Variants in KCTD16 observed in about 807,000 individuals in gnomAD.
KCTD16 encodes the protein potassium channel tetramerization domain containing 16.
In KCTD16, 13 loss-of-function variants were observed where a neutral mutation model predicts 33.2. The ratio of observed to expected loss-of-function variants is 0.39; its 90% confidence interval spans 0.25 to 0.62. The LOEUF (loss-of-function observed/expected upper bound fraction) is 0.62, where lower values mean the gene tolerates loss of function less well. KCTD16 is among the 20% of genes least tolerant of loss of function. The probability of loss-of-function intolerance (pLI) is 0.50; values close to 1 mark genes in which losing one functional copy is unlikely to be tolerated. For synonymous variants in KCTD16, 197 were observed against 195.3 expected (o/e 1.01, Z -0.07); for missense variants, 441 against 525.1 (o/e 0.84, Z 1.57).
chr5:144,418,896 C>T (rs1213351163), intron 3 of KCTD16, among the ~76,000 whole-genome samples: 2 of 152,138 alleles, frequency 1.3e-5, no homozygotes, highest in East Asian at 1.9e-4. Context: ...GTTATACACC[C>T]TAACTTTTAC....
In KCTD16 at chr5:144,474,191, G is replaced by A; in HGVS notation, c.*77G>A. On this transcript the variant is annotated 3_prime_UTR_variant, in exon 4 of 4. Transcript: ENST00000512467. ...TCCTAAAAGGAATTCATATTTTAAAGGAAAAAAATACAACTAATGATGCAC... is the reference window on the plus strand; with the variant it reads ...TCCTAAAAGGAATTCATATTTTAAAAGAAAAAAATACAACTAATGATGCAC... The A allele has an allele frequency of 1.7e-6, 2 of 1,161,532 alleles. No individual in the cohort carries two copies. Among genetic ancestry groups the A allele is most frequent in the Non-Finnish European group, 2.4e-6 (2 of 820,512 alleles). 72.0% of individuals were successfully genotyped at this position (1,161,532 alleles called of 1,614,324 possible).
intron 3 of KCTD16, among the ~76,000 whole-genome samples, chr5:144,392,848 C>T (rs1021875441): frequency 1.6e-4 from 25 of 152,270 alleles, no homozygotes; most frequent in African/African-American, 5.1e-4. Flanking sequence ...CCTCCATCAA[C>T]GCAAGCCCCT....
chr5:144,269,163 G>A (rs183577441), intron 3 of KCTD16, among the ~76,000 whole-genome samples: 34 of 152,004 alleles, frequency 2.2e-4, no homozygotes, highest in Non-Finnish European at 4.3e-4. Context: ...ATGGGAAAAG[G>A]GGCAGAGAGA....
At chr5:144,218,212 T>C (rs1753624523) in intron 3 of KCTD16, among the ~76,000 whole-genome samples, 1 of 152,170 alleles carries the variant, frequency 6.6e-6, no homozygotes, top group African/African-American at 2.4e-5. Context: ...AGAAAGAGAT[T>C]AGAATAGTAA....
chr5:144,451,596 C>T (rs369531511), intron 3 of KCTD16, among the ~76,000 whole-genome samples: 2 of 152,154 alleles, frequency 1.3e-5, no homozygotes, highest in South Asian at 4.1e-4. Context: ...AAATAGAACG[C>T]AGGCAGTTAG....
Position 144,477,765 on chromosome 5 carries a change from C to T in KCTD16, c.*3651C>T, listed in dbSNP as rs919452827. The T allele has an allele frequency of 6.6e-6, 1 of 151,946 alleles. No individual in the cohort carries two copies. Among genetic ancestry groups the T allele is most frequent in the African/African-American group, 2.4e-5 (1 of 41,354 alleles). The allele number at this position is 151,946 out of a possible 1,614,324, so 9.4% of individuals were successfully genotyped here. ...CATTTTCCTTTGCTACAATTCCAAC[C>T]TTCAACTTTGTATCTACTATAGTGT... On this transcript the variant is annotated 3_prime_UTR_variant, in exon 4 of 4. Transcript: ENST00000512467.
At chr5:144,470,379 G>A (rs976160387) in intron 3 of KCTD16, among the ~76,000 whole-genome samples, 1 of 152,094 alleles carries the variant, frequency 6.6e-6, no homozygotes, top group African/African-American at 2.4e-5. Context: ...AAAGATATGG[G>A]GTGGTTATCT....
chr5:144,472,569 G>A (rs1044095105), intron 3 of KCTD16, among the ~76,000 whole-genome samples: 5 of 152,194 alleles, frequency 3.3e-5, no homozygotes, highest in South Asian at 2.1e-4. Context: ...GGCAAGACTA[G>A]CTTCAGGTGT....
At chr5:144,244,046 C>A in intron 3 of KCTD16, among the ~76,000 whole-genome samples, 1 of 152,188 alleles carries the variant, frequency 6.6e-6, no homozygotes, top group East Asian at 1.9e-4. Context: ...TCCAGCCCCC[C>A]ATGAATACTT....
intron 3 of KCTD16, among the ~76,000 whole-genome samples, chr5:144,457,750 A>T (rs1754100124): frequency 6.6e-6 from 1 of 152,214 alleles, no homozygotes; most frequent in South Asian, 2.1e-4. Context: ...TGACAGTCTC[A>T]TTTGATGTAA....
chr5:144,380,678 A>G (rs986132057), intron 3 of KCTD16, among the ~76,000 whole-genome samples: 5 of 152,020 alleles, frequency 3.3e-5, no homozygotes, highest in African/African-American at 9.7e-5. Context: ...GAACAACTAT[A>G]TGATCTTCAA....
At chr5:144,194,550 TA>T in intron 2 of KCTD16, among the ~76,000 whole-genome samples, 1 of 152,330 alleles carries the variant, frequency 6.6e-6, no homozygotes, top group Non-Finnish European at 1.5e-5. Flanking sequence ...AATTCATTTT[TA>T]AAAAGACACG....
intron 3 of KCTD16, among the ~76,000 whole-genome samples, chr5:144,313,379 A>G (rs1254420076): frequency 6.6e-6 from 1 of 152,194 alleles, no homozygotes; most frequent in South Asian, 2.1e-4. Context: ...GCAGCACTTT[A>G]TAGATGAGCA....
chr5:144,361,782 A>T (rs1751718616), intron 3 of KCTD16, among the ~76,000 whole-genome samples: 2 of 152,290 alleles, frequency 1.3e-5, no homozygotes, highest in South Asian at 4.1e-4. Context: ...GTGTGTTCTC[A>T]TCACAATCTG....
intron 3 of KCTD16, among the ~76,000 whole-genome samples, chr5:144,267,357 T>G (rs965381211): frequency 3.3e-5 from 5 of 152,184 alleles, no homozygotes; most frequent in African/African-American, 1.2e-4. Flanking sequence ...CTTTGAAGAT[T>G]AATTCAGTCA....
intron 2 of KCTD16, among the ~76,000 whole-genome samples, chr5:144,180,248 G>A (rs909110176): frequency 6.6e-6 from 1 of 152,160 alleles, no homozygotes; most frequent in Non-Finnish European, 1.5e-5. Context: ...GAGCATTAGT[G>A]CACATGGGAT....
At chr5:144,356,467 G>A (rs1413204885) in intron 3 of KCTD16, among the ~76,000 whole-genome samples, 1 of 151,980 alleles carries the variant, frequency 6.6e-6, no homozygotes, top group African/African-American at 2.4e-5. Context: ...AGAAAAAGAA[G>A]ACAAGGGGGC....
At chr5:144,223,732 G>A (rs932808757) in intron 3 of KCTD16, among the ~76,000 whole-genome samples, 1 of 152,034 alleles carries the variant, frequency 6.6e-6, no homozygotes, top group African/African-American at 2.4e-5. Context: ...GAGAGGGGAG[G>A]AATTCCATGA....
chr5:144,478,866 T>C lies in KCTD16; in HGVS notation c.*4752T>C, dbSNP rs1754647481. The stretch of plus-strand genomic sequence containing the variant: ...ATAGATTTTCATGAATTCTTTGCCA[T>C]TTCATCTGCTGTCTGTCAACCATAA... On this transcript the variant is annotated 3_prime_UTR_variant, in exon 4 of 4. Coordinates refer to ENST00000512467, the MANE Select transcript of KCTD16 (RefSeq NM_020768.4). 6.6e-6 allele frequency: 1 copy of C among 151,978 alleles called. No individual in the cohort carries two copies. The highest frequency in any genetic ancestry group is 2.4e-5 in the African/African-American group (1 of 41,416). The allele number at this position is 151,978 out of a possible 1,614,324, so 9.4% of individuals were successfully genotyped here.
Sources: gnomAD v4.1 joint callset for allele counts (sites outside exome capture counted in the v4.1 genomes callset) on GRCh38, gnomAD v4.1.1 for gene constraint, MANE v1.5 for transcripts, NCBI Gene and HGNC (gene_info 2026-07-23, HGNC 2026-07-21) for gene names.